The following ANXA10 variants were observed in gnomAD, a reference collection of about 807,000 sequenced individuals.
ANXA10 encodes annexin A10.
ANXA10 carries 49 observed loss-of-function variants against 53.5 expected under a neutral mutation model. That is an observed-to-expected ratio of 0.92 (90% CI 0.73 to 1.16). The LOEUF is 1.16. Among genes scored for constraint, ANXA10 ranks in the 50% most tolerant of loss-of-function variants. The probability of loss-of-function intolerance (pLI) is 0.00; values close to 1 mark genes in which losing one functional copy is unlikely to be tolerated. For synonymous variants in ANXA10, 131 were observed against 128.9 expected, an observed-to-expected ratio of 1.02 and a Z score of -0.11; for missense variants, 393 against 394.4, an observed-to-expected ratio of 1.00 and a Z score of 0.03.
chr4:168,156,251 TTATA>T (rs1362432282), intron 3 of ANXA10, among the ~76,000 whole-genome samples: 1 of 36,364 alleles, frequency 2.7e-5, no homozygotes, highest in African/African-American at 9.9e-5. Context: ...ATAGTATATA[TTATA>T]TATAATGTAT....
chr4:168,119,328 G>C (rs1312341928), intron 1 of ANXA10, among the ~76,000 whole-genome samples: 5 of 152,140 alleles, frequency 3.3e-5, no homozygotes, highest in Non-Finnish European at 7.4e-5. Context: ...ATTGGAAATA[G>C]GCTGTGATAG....
At chr4:168,104,746 A>C (rs920181720) in intron 1 of ANXA10, among the ~76,000 whole-genome samples, 11 of 151,844 alleles carry the variant, frequency 7.2e-5, no homozygotes, top group African/African-American at 2.7e-4. Flanking sequence ...TTCTTTGTAA[A>C]TTGGCTACAG....
intron 11 of ANXA10, among the ~76,000 whole-genome samples, chr4:168,185,493 C>T (rs1732352822): frequency 6.6e-6 from 1 of 152,124 alleles, no homozygotes. Flanking sequence ...TCCCTTTAGC[C>T]CTTGAAGGGC....
intron 1 of ANXA10, among the ~76,000 whole-genome samples, chr4:168,108,218 T>C (rs1730748884): frequency 6.6e-6 from 1 of 152,148 alleles, no homozygotes; most frequent in Admixed American, 6.6e-5. Context: ...GCTTCTTTAC[T>C]GCAACCCCTT....
chr4:168,144,478 C>T (rs749679553), intron 3 of ANXA10, among the ~76,000 whole-genome samples: 6 of 152,122 alleles, frequency 3.9e-5, no homozygotes, highest in Admixed American at 6.6e-5. Context: ...TGAGCCACTG[C>T]GCCCAGTTGT....
At chr4:168,094,155 T>C (rs1303288742) in intron 1 of ANXA10, among the ~76,000 whole-genome samples, 2 of 152,160 alleles carry the variant, frequency 1.3e-5, no homozygotes, top group Non-Finnish European at 1.5e-5. Context: ...GAAACATATT[T>C]TATAGAATAT....
intron 6 of ANXA10, among the ~76,000 whole-genome samples, chr4:168,176,567 C>A (rs1732131393): frequency 1.3e-5 from 2 of 152,262 alleles, no homozygotes; most frequent in South Asian, 2.1e-4. Flanking sequence ...GTTCCTCCAT[C>A]AGGAACCGGT....
chr4:168,146,804 G>T (rs994857254), intron 3 of ANXA10, among the ~76,000 whole-genome samples: 2 of 152,190 alleles, frequency 1.3e-5, no homozygotes, highest in East Asian at 3.9e-4. Flanking sequence ...TTTTCCAAGA[G>T]TTAACCCAAA....
chr4:168,104,499 T>G (rs564335971), intron 1 of ANXA10, among the ~76,000 whole-genome samples: 5 of 152,082 alleles, frequency 3.3e-5, no homozygotes, highest in African/African-American at 1.2e-4. Context: ...GGCAGAAATA[T>G]CCAGTAAAAC....
In ANXA10 at chr4:168,168,946, T is replaced by G. The variant is rs1374891842; in HGVS notation, c.480+3620T>G. 2.6e-5 allele frequency among the ~76,000 whole-genome samples: 4 copies of G among 152,322 alleles called. No individual in the cohort carries two copies. The East Asian group carries it at 7.7e-4, about 29-fold the overall frequency. ...TAGTTTAATTTGGATATCTGTGGTT[T>G]GGCTACATAGTTCATAAAACTCCCA... On this transcript the variant is annotated intron_variant, in intron 6 of 11. Transcript: ENST00000359299.
chr4:168,098,872 A>G (rs1490834648), intron 1 of ANXA10, among the ~76,000 whole-genome samples: 1 of 152,038 alleles, frequency 6.6e-6, no homozygotes, highest in East Asian at 1.9e-4. Context: ...TGTTTTATAT[A>G]CCCTGTTATA....
chr4:168,124,542 C>T (rs564203812), intron 1 of ANXA10, among the ~76,000 whole-genome samples: 1 of 152,290 alleles, frequency 6.6e-6, no homozygotes, highest in Non-Finnish European at 1.5e-5. Flanking sequence ...TTACAGCATG[C>T]ATTGAAAATG....
chr4:168,154,223 C>T (rs1010609200), intron 3 of ANXA10, among the ~76,000 whole-genome samples: 1 of 152,140 alleles, frequency 6.6e-6, no homozygotes, highest in Non-Finnish European at 1.5e-5. Context: ...TAGTCTTCAG[C>T]TTGAACATTG....
intron 10 of ANXA10, among the ~76,000 whole-genome samples, chr4:168,183,368 G>T (rs1333638099): frequency 6.6e-6 from 1 of 152,162 alleles, no homozygotes; most frequent in African/African-American, 2.4e-5. Context: ...AGTTGATTTG[G>T]TTAAACATTT....
intron 3 of ANXA10, among the ~76,000 whole-genome samples, chr4:168,157,080 T>C (rs899973627): frequency 2.8e-5 from 4 of 141,318 alleles, no homozygotes; most frequent in Admixed American, 2.2e-4. Context: ...AAACCAGTGA[T>C]CTAGTGGTAT....
chr4:168,146,097 C>T (rs572430200), intron 3 of ANXA10, among the ~76,000 whole-genome samples: 192 of 152,110 alleles, frequency 1.3e-3, no homozygotes, highest in Non-Finnish European at 2.1e-3. Context: ...TCAGTAGGGA[C>T]GGGGTTTCAC....
At chr4:168,152,403 T>C (rs867767895) in intron 3 of ANXA10, among the ~76,000 whole-genome samples, 8 of 152,220 alleles carry the variant, frequency 5.3e-5, no homozygotes, top group South Asian at 4.1e-4. Flanking sequence ...GCAAGGAGAA[T>C]TGTAGGTGAT....
rs1731802890 is a variant in ANXA10, at chr4:168,162,508, A to T, written c.196-20A>T. 1.9e-6 allele frequency: 3 copies of T among 1,553,524 alleles called. No homozygotes were observed. Among genetic ancestry groups the T allele is most frequent in the Non-Finnish European group, 2.7e-6 (3 of 1,125,612 alleles). The stretch of plus-strand genomic sequence containing the variant: ...AAATTTGGTAACATATAATAAATAT[A>T]TGTACTTTTTCCTCCACAGGACCTG... On this transcript the variant is annotated intron_variant, in intron 3 of 11. Coordinates refer to ENST00000359299, the MANE Select transcript of ANXA10 (RefSeq NM_007193.5).
At chr4:168,157,549 C>T (rs1731710247) in intron 3 of ANXA10, among the ~76,000 whole-genome samples, 1 of 152,306 alleles carries the variant, frequency 6.6e-6, no homozygotes, top group Non-Finnish European at 1.5e-5. Flanking sequence ...CAGGCGTAAG[C>T]CACCACGCCC....
Sources: allele counts gnomAD v4.1 joint callset (sites outside exome capture counted in the v4.1 genomes callset), GRCh38; gene constraint gnomAD v4.1.1; transcripts MANE v1.5; gene names NCBI Gene and HGNC (gene_info 2026-07-23, HGNC 2026-07-21).